PPP1R12B: variants seen among roughly 807,000 people sequenced by gnomAD.
PPP1R12B encodes protein phosphatase 1 regulatory subunit 12B.
In PPP1R12B, 76 loss-of-function variants were observed where a neutral mutation model predicts 126.1. The ratio of observed to expected loss-of-function variants is 0.60; its 90% CI spans 0.50 to 0.73. The LOEUF is 0.73. PPP1R12B is among the 30% of genes least tolerant of loss of function. The pLI, the probability that PPP1R12B is intolerant of heterozygous loss-of-function variation, is 0.00. For synonymous variants in PPP1R12B, 356 were observed against 434.7 expected, an observed-to-expected ratio of 0.82 and a Z score of 2.25; for missense variants, 1,052 against 1,205.1, an observed-to-expected ratio of 0.87 and a Z score of 1.88.
At chr1:202,403,395 C>T (rs1356921657) in intron 1 of PPP1R12B, among the ~76,000 whole-genome samples, 3 of 152,188 alleles carry the variant, frequency 2.0e-5, no homozygotes, top group South Asian at 2.1e-4. Context: ...TTAAAATTTT[C>T]GAGAAGAAAT....
intron 18 of PPP1R12B, among the ~76,000 whole-genome samples, chr1:202,529,588 A>T (rs1031858147): frequency 2.9e-4 from 44 of 152,318 alleles, no homozygotes; most frequent in African/African-American, 9.6e-4. Flanking sequence ...AAAATATTTT[A>T]AAAAATCAAG....
chr1:202,579,589 C>G (rs1689407630), intron 23 of PPP1R12B, among the ~76,000 whole-genome samples: 1 of 152,202 alleles, frequency 6.6e-6, no homozygotes, highest in Non-Finnish European at 1.5e-5. Flanking sequence ...ACTTGAACTT[C>G]CAGGATGGAA....
intron 11 of PPP1R12B, among the ~76,000 whole-genome samples, chr1:202,441,780 T>C (rs1014426466): frequency 6.6e-6 from 1 of 152,150 alleles, no homozygotes; most frequent in African/African-American, 2.4e-5. Context: ...AACAGACTTC[T>C]TCATCTTCCC....
At chr1:202,382,174 C>A (rs1224385282) in intron 1 of PPP1R12B, among the ~76,000 whole-genome samples, 1 of 147,460 alleles carries the variant, frequency 6.8e-6, no homozygotes, top group Non-Finnish European at 1.5e-5. Context: ...GTGGCAAGGA[C>A]AAAAAACCAA....
At chr1:202,554,403 G>GTAAC (rs1686664016) in intron 18 of PPP1R12B, among the ~76,000 whole-genome samples, 1 of 152,016 alleles carries the variant, frequency 6.6e-6, no homozygotes, top group African/African-American at 2.4e-5. Context: ...TTGTATTAAG[G>GTAAC]TAACTGTGTT....
intron 13 of PPP1R12B, among the ~76,000 whole-genome samples, chr1:202,488,045 ATAAC>A (rs1410038488): frequency 6.6e-6 from 1 of 152,238 alleles, no homozygotes; most frequent in East Asian, 1.9e-4. Context: ...AATAATACTA[ATAAC>A]TAATAATAAA....
chr1:202,482,791 G>A (rs1248707041), intron 13 of PPP1R12B, among the ~76,000 whole-genome samples: 1 of 152,068 alleles, frequency 6.6e-6, no homozygotes, highest in Non-Finnish European at 1.5e-5. Flanking sequence ...CTATGCTTTT[G>A]AAGTCTTATT....
intron 18 of PPP1R12B, among the ~76,000 whole-genome samples, chr1:202,546,383 T>C (rs2148973622): frequency 6.6e-6 from 1 of 152,178 alleles, no homozygotes; most frequent in African/African-American, 2.4e-5. Context: ...GATGGGAGGA[T>C]TGCTTGAGCC....
chr1:202,420,700 C>T (rs1261278669), intron 2 of PPP1R12B, among the ~76,000 whole-genome samples: 12 of 152,090 alleles, frequency 7.9e-5, no homozygotes, highest in South Asian at 2.1e-4. Flanking sequence ...AATTTATGAA[C>T]GGAATACTAG....
At chr1:202,450,194 A>G (rs1672766485) in intron 13 of PPP1R12B, among the ~76,000 whole-genome samples, 1 of 152,232 alleles carries the variant, frequency 6.6e-6, no homozygotes, top group African/African-American at 2.4e-5. Flanking sequence ...TAGGATATAA[A>G]CTTTTGATTA....
chr1:202,360,757 A>G (rs569692926), intron 1 of PPP1R12B, among the ~76,000 whole-genome samples: 1 of 152,150 alleles, frequency 6.6e-6, no homozygotes, highest in South Asian at 2.1e-4. Context: ...ACATAGGTTT[A>G]GTGTATTGAC....
At chr1:202,535,592 C>T (rs1252875588) in intron 18 of PPP1R12B, among the ~76,000 whole-genome samples, 1 of 152,142 alleles carries the variant, frequency 6.6e-6, no homozygotes, top group Non-Finnish European at 1.5e-5. Context: ...CTACCTGGTG[C>T]TCTTAATTCC....
At chr1:202,377,984 G>T (rs1217493562) in intron 1 of PPP1R12B, among the ~76,000 whole-genome samples, 17 of 151,062 alleles carry the variant, frequency 1.1e-4, no homozygotes, top group South Asian at 6.3e-4. Flanking sequence ...GACTACAGGC[G>T]CCCGCCACCT....
chr1:202,487,559 C>G (rs370314643), intron 13 of PPP1R12B, among the ~76,000 whole-genome samples: 1 of 150,886 alleles, frequency 6.6e-6, no homozygotes, highest in East Asian at 1.9e-4. Flanking sequence ...AACAGTAATA[C>G]ATTTACAAAC....
intron 13 of PPP1R12B, among the ~76,000 whole-genome samples, chr1:202,476,901 C>G (rs367980967): frequency 6.6e-6 from 1 of 152,014 alleles, no homozygotes; most frequent in Non-Finnish European, 1.5e-5. Context: ...CTAGAGAAAG[C>G]AGCGTTGTTC....
intron 18 of PPP1R12B, among the ~76,000 whole-genome samples, chr1:202,526,208 G>A (rs1683331116): frequency 1.3e-5 from 2 of 152,170 alleles, no homozygotes. Context: ...GATAAATGGT[G>A]GTTAAATGTG....
intron 23 of PPP1R12B, among the ~76,000 whole-genome samples, chr1:202,570,661 G>A (rs149758737): frequency 1.1e-3 from 167 of 152,162 alleles, no homozygotes; most frequent in African/African-American, 3.4e-3. Context: ...ATTCTCTCCC[G>A]CTTAGAGCAG....
chr1:202,482,879 TTC>T (rs1387034929), intron 13 of PPP1R12B, among the ~76,000 whole-genome samples: 1 of 152,234 alleles, frequency 6.6e-6, no homozygotes, highest in Non-Finnish European at 1.5e-5. Flanking sequence ...AGTTTTGGGT[TTC>T]CATGTTAAGT....
intron 1 of PPP1R12B, among the ~76,000 whole-genome samples, chr1:202,355,398 A>G (rs749469307): frequency 9.2e-5 from 14 of 152,222 alleles, no homozygotes; most frequent in Admixed American, 2.0e-4. Context: ...TCCAAATTCT[A>G]TGATACCCTG....
Sources: gnomAD v4.1 joint callset for allele counts (sites outside exome capture counted in the v4.1 genomes callset) on GRCh38, gnomAD v4.1.1 for gene constraint, MANE v1.5 for transcripts, NCBI Gene and HGNC (gene_info 2026-07-23, HGNC 2026-07-21) for gene names.